The following YEATS2 variants were observed in gnomAD, a reference collection of about 807,000 sequenced individuals.
YEATS2 encodes the protein YEATS domain containing 2, also known as YEATS domain-containing protein 2.
YEATS2 carries 77 observed loss-of-function variants against 163.2 expected under a neutral mutation model. The ratio of observed to expected loss-of-function variants is 0.47; its 90% CI spans 0.39 to 0.57. The LOEUF (loss-of-function observed/expected upper bound fraction) is 0.57. YEATS2 is among the 20% of genes least tolerant of loss of function. The pLI is 0.00. For synonymous variants in YEATS2, 631 were observed against 645.1 expected (o/e 0.98, Z 0.33); for missense variants, 1,549 against 1,729.8 (o/e 0.90, Z 1.85).
At chr3:183,789,842 C>T (rs977176548) in intron 20 of YEATS2, among the ~76,000 whole-genome samples, 9 of 151,970 alleles carry the variant, frequency 5.9e-5, no homozygotes, top group African/African-American at 2.2e-4. Flanking sequence ...CCTGGCCGCT[C>T]TAGTTAATTT....
Position 183,810,765 on chromosome 3 carries a change from G to C in YEATS2, c.*182G>C. The C allele has an allele frequency of 1.7e-6, 1 of 582,720 alleles. No individual in the cohort carries two copies. The highest frequency in any genetic ancestry group is 2.0e-5 in the South Asian group (1 of 50,670). 36.1% of individuals were successfully genotyped at this position (582,720 alleles called of 1,614,324 possible). On this transcript the variant is annotated 3_prime_UTR_variant, in exon 31 of 31. Transcript: ENST00000305135. ...CTGCACTCCAGATGAAATCCTCCTAGGACAGGAGTTTGTTTCCTGAGTGTG... is the reference window on the plus strand; with the variant it reads ...CTGCACTCCAGATGAAATCCTCCTACGACAGGAGTTTGTTTCCTGAGTGTG...
At chr3:183,706,958 T>C (rs1460396518) in intron 1 of YEATS2, among the ~76,000 whole-genome samples, 11 of 152,330 alleles carry the variant, frequency 7.2e-5, no homozygotes, top group Admixed American at 4.6e-4. Context: ...AGTTAAAACA[T>C]AGTCAAAACT....
At chr3:183,744,929 C>T (rs959129050) in intron 8 of YEATS2, among the ~76,000 whole-genome samples, 6 of 152,132 alleles carry the variant, frequency 3.9e-5, no homozygotes, top group Non-Finnish European at 7.4e-5. Context: ...CGGCTCACTG[C>T]AACCTCTACC....
At chr3:183,720,754 A>G (rs1716402938) in intron 4 of YEATS2, among the ~76,000 whole-genome samples, 1 of 152,188 alleles carries the variant, frequency 6.6e-6, no homozygotes, top group Admixed American at 6.5e-5. Flanking sequence ...TTATCTCACT[A>G]TTATGAAGTC....
intron 8 of YEATS2, 32 bp downstream of exon 8, chr3:183,736,861 GA>G: frequency 6.3e-7 from 1 of 1,582,902 alleles, no homozygotes; most frequent in Non-Finnish European, 8.6e-7. Context: ...CCCTAGTTTT[GA>G]AGTCTCTTTT....
chr3:183,800,892 G>A (rs961072716), intron 24 of YEATS2: 4 of 263,442 alleles, frequency 1.5e-5, no homozygotes, highest in Non-Finnish European at 2.9e-5. Context: ...CATCACTCAG[G>A]TGTGTACACG....
intron 6 of YEATS2, among the ~76,000 whole-genome samples, chr3:183,727,209 G>A (rs1005931570): frequency 9.9e-5 from 15 of 151,818 alleles, no homozygotes; most frequent in African/African-American, 3.1e-4. Context: ...CAAACCTGGC[G>A]AAATTAATTT....
chr3:183,749,227 G>C (rs1719896975), intron 9 of YEATS2, among the ~76,000 whole-genome samples: 1 of 152,198 alleles, frequency 6.6e-6, no homozygotes, highest in African/African-American at 2.4e-5. Flanking sequence ...ACAGGCGTGA[G>C]CCATGGCGCC....
rs772054381 is a variant in YEATS2 at position 183,804,096 on chromosome 3, G to A, written c.3692G>A (p.Arg1231His). The A allele has an allele frequency of 4.3e-6, 7 of 1,614,072 alleles. No homozygotes were observed. The highest frequency in any genetic ancestry group is 2.2e-5 in the South Asian group (2 of 91,082). Residue 1231 changes from arginine (R) to histidine (H), a missense_variant, in exon 27 of 31, where the codon CGC (arginine) becomes CAC (histidine). Physicochemically the swap from Arg to His is conservative, Grantham distance 29. Coordinates refer to ENST00000305135, the MANE Select transcript of YEATS2 (RefSeq NM_018023.5). ...LKTKHIAHWC[R>H]CHGYTPPDPE... ...ACCAAGCACATCGCTCACTGGTGCC[G>A]CTGTCATGGCTACACCCCACCGGAC... is the stretch of plus-strand genomic sequence containing the variant.
In YEATS2 at chr3:183,772,497, G is replaced by T. The variant is rs201914129; in HGVS notation, c.2140G>T (p.Val714Leu). The T allele has an allele frequency of 1.2e-6, 2 of 1,614,196 alleles. No individual in the cohort carries two copies. Among genetic ancestry groups the T allele is most frequent in the Non-Finnish European group, 1.7e-6 (2 of 1,180,046 alleles). The change falls in exon 16 of 31, where the codon GTG becomes TTG. Residue 714 changes from valine to leucine, a missense_variant. Val to Leu is a conservative substitution (Grantham distance 32, BLOSUM62 1). Coordinates refer to ENST00000305135, the MANE Select transcript of YEATS2 (RefSeq NM_018023.5). ...GGGGTIVAQP[V>L]QTLTKAQVTA... The stretch of plus-strand genomic sequence containing the variant: ...TGGAGGAACCATTGTTGCTCAGCCA[G>T]TGCAGACCTTAACCAAGGCCCAGGT...
chr3:183,766,282 A>C (rs1721898349), intron 15 of YEATS2, among the ~76,000 whole-genome samples: 1 of 152,232 alleles, frequency 6.6e-6, no homozygotes, highest in Non-Finnish European at 1.5e-5. Flanking sequence ...TGAAGGACCT[A>C]CCTAGCACAG....
intron 15 of YEATS2, among the ~76,000 whole-genome samples, chr3:183,765,404 C>T (rs1487619923): frequency 3.9e-5 from 6 of 152,166 alleles, no homozygotes; most frequent in Non-Finnish European, 8.8e-5. Context: ...CACATGGCCA[C>T]CTACTTAATG....
At chr3:183,746,414 A>C (rs1050161863) in intron 8 of YEATS2, among the ~76,000 whole-genome samples, 2 of 152,208 alleles carry the variant, frequency 1.3e-5, no homozygotes. Context: ...AACGCTAAAA[A>C]TGTTTAATGA....
intron 1 of YEATS2, among the ~76,000 whole-genome samples, chr3:183,713,142 A>G (rs1465553280): frequency 6.6e-6 from 1 of 152,272 alleles, no homozygotes; most frequent in Admixed American, 6.5e-5. Context: ...CTTGGTAAAA[A>G]TATAACGTAA....
At chr3:183,711,318 A>G (rs1022281315) in intron 1 of YEATS2, among the ~76,000 whole-genome samples, 1 of 151,964 alleles carries the variant, frequency 6.6e-6, no homozygotes, top group Non-Finnish European at 1.5e-5. Context: ...AAATACAAAA[A>G]AAAAATCAGC....
chr3:183,800,472 C>G lies in YEATS2; in HGVS notation c.3332C>G (p.Thr1111Ser). ...TGTTGCTCTTCCCTTGTAGTGAAGA[C>G]TGAACCAGAAACACCTGGACCGAGT... ...SAPAAVAKVK[T>S]EPETPGPSCL... The change falls in exon 24 of 31, where the codon ACT becomes AGT. Residue 1111 changes from threonine (T) to serine (S), a missense_variant. By Grantham distance (58) the Thr-to-Ser change is moderately conservative. Coordinates refer to ENST00000305135, the MANE Select transcript of YEATS2 (RefSeq NM_018023.5). 6.2e-7 allele frequency: 1 copy of G among 1,613,784 alleles called. No individual in the cohort carries two copies. Among genetic ancestry groups the G allele is most frequent in the Non-Finnish European group, 8.5e-7 (1 of 1,179,796 alleles).
At chr3:183,707,873 A>G (rs939824298) in intron 1 of YEATS2, among the ~76,000 whole-genome samples, 20 of 151,698 alleles carry the variant, frequency 1.3e-4, no homozygotes, top group African/African-American at 4.6e-4. Context: ...ACGGGGTTTC[A>G]CCGTGTTGAT....
Position 183,808,068 on chromosome 3 carries a change from C to A in YEATS2, c.4050C>A (p.Asn1350Lys). The part of the protein sequence containing the change: ...ITLQPVALHR[N>K]VYASVVEDMI... ...TGCAGCCCGTGGCACTCCACAGGAA[C>A]GTGTATGCGTCCGTGGTGGAGGACA... The change falls in exon 29 of 31, where the codon AAC becomes AAA. Residue 1350 changes from asparagine (N) to lysine (K), a missense_variant. Coordinates refer to ENST00000305135, the MANE Select transcript of YEATS2 (RefSeq NM_018023.5). The A allele has an allele frequency of 6.4e-7, 1 of 1,561,278 alleles. No homozygotes were observed. Among genetic ancestry groups the A allele is most frequent in the Non-Finnish European group, 8.7e-7 (1 of 1,152,068 alleles).
intron 1 of YEATS2, among the ~76,000 whole-genome samples, chr3:183,709,960 G>A (rs898496886): frequency 3.9e-5 from 6 of 152,062 alleles, no homozygotes; most frequent in Admixed American, 2.0e-4. Context: ...GATTACAGGC[G>A]TGAGCCACCA....
Sources: allele counts gnomAD v4.1 joint callset (sites outside exome capture counted in the v4.1 genomes callset), GRCh38; gene constraint gnomAD v4.1.1; transcripts MANE v1.5; gene names NCBI Gene and HGNC (gene_info 2026-07-23, HGNC 2026-07-21).